The following OSBPL1A variants were observed in gnomAD, a reference collection of about 807,000 sequenced individuals.
The protein encoded by OSBPL1A is oxysterol binding protein like 1A.
A neutral mutation model predicts 137.1 loss-of-function variants in OSBPL1A; 80 were observed. That is an observed-to-expected ratio of 0.58 (90% confidence interval 0.49 to 0.70). OSBPL1A has a LOEUF of 0.70. OSBPL1A is among the 30% of genes least tolerant of loss of function. The pLI is 0.00. For synonymous variants in OSBPL1A, 365 were observed against 389.7 expected, an observed-to-expected ratio of 0.94 and a Z score of 0.75; for missense variants, 970 against 1,129.4, an observed-to-expected ratio of 0.86 and a Z score of 2.02.
chr18:24,362,298 T>A (rs2091636175), intron 4 of OSBPL1A, among the ~76,000 whole-genome samples: 1 of 152,106 alleles, frequency 6.6e-6, no homozygotes, highest in African/African-American at 2.4e-5. Context: ...CATCTGCAGC[T>A]CATATTTGAA....
chr18:24,171,749 T>TGA (rs2086293265), intron 22 of OSBPL1A, among the ~76,000 whole-genome samples: 1 of 152,274 alleles, frequency 6.6e-6, no homozygotes, highest in East Asian at 1.9e-4. Flanking sequence ...CAGCTCTTTC[T>TGA]AGTAACTCCT....
At chr18:24,349,569 A>G (rs894514106) in intron 4 of OSBPL1A, among the ~76,000 whole-genome samples, 3 of 152,286 alleles carry the variant, frequency 2.0e-5, no homozygotes, top group Admixed American at 1.3e-4. Flanking sequence ...TAAGAAAAAT[A>G]TCCCAGGCAG....
intron 13 of OSBPL1A, among the ~76,000 whole-genome samples, 186 bp from the exon 14 acceptor site, chr18:24,303,904 T>C (rs76517670): frequency 6.6e-6 from 1 of 152,242 alleles, no homozygotes; most frequent in South Asian, 2.1e-4. Context: ...TTTAATCAAG[T>C]GTAAAGTAAA....
At chr18:24,261,898 A>G (rs2089453110) in intron 15 of OSBPL1A, among the ~76,000 whole-genome samples, 1 of 152,194 alleles carries the variant, frequency 6.6e-6, no homozygotes, top group Non-Finnish European at 1.5e-5. Flanking sequence ...TCAAAGAAAA[A>G]TACTCACTCT....
chr18:24,258,251 G>A (rs2089341879), intron 15 of OSBPL1A, among the ~76,000 whole-genome samples: 1 of 151,940 alleles, frequency 6.6e-6, no homozygotes, highest in Non-Finnish European at 1.5e-5. Context: ...AAGAAAATGT[G>A]GTACTTAACA....
At chr18:24,315,816 A>T (rs2090719776) in intron 11 of OSBPL1A, among the ~76,000 whole-genome samples, 1 of 67,860 alleles carries the variant, frequency 1.5e-5, no homozygotes, top group African/African-American at 7.8e-5. Flanking sequence ...TTATATAATA[A>T]AATATATAAT....
At chr18:24,305,825 A>G (rs1446454364) in intron 13 of OSBPL1A, among the ~76,000 whole-genome samples, 1 of 152,030 alleles carries the variant, frequency 6.6e-6, no homozygotes, top group African/African-American at 2.4e-5. Context: ...ATAGGATCTG[A>G]TGGTTTTATA....
intron 7 of OSBPL1A, among the ~76,000 whole-genome samples, chr18:24,331,931 C>T (rs568231962): frequency 9.3e-4 from 141 of 152,258 alleles, no homozygotes; most frequent in Non-Finnish European, 1.6e-3. Context: ...GCCCAGTGCT[C>T]ATTTTCCAGC....
intron 1 of OSBPL1A, among the ~76,000 whole-genome samples, chr18:24,385,383 C>T (rs1423585370): frequency 1.3e-5 from 2 of 152,040 alleles, no homozygotes; most frequent in Non-Finnish European, 2.9e-5. Context: ...AGAAGGAGAT[C>T]CTGTCTCTAA....
intron 26 of OSBPL1A, 34 bp downstream of exon 26, chr18:24,166,545 G>A (rs769309454): frequency 6.3e-7 from 1 of 1,588,740 alleles, no homozygotes; most frequent in Non-Finnish European, 8.5e-7. Context: ...CGAGAAATGA[G>A]TCTTCACTGG....
intron 15 of OSBPL1A, among the ~76,000 whole-genome samples, chr18:24,277,992 T>C (rs987703266): frequency 6.6e-6 from 1 of 152,260 alleles, no homozygotes; most frequent in Non-Finnish European, 1.5e-5. Flanking sequence ...ATACTCTATA[T>C]ATGTAACATT....
At chr18:24,257,623 C>G (rs1015975590) in intron 15 of OSBPL1A, among the ~76,000 whole-genome samples, 5 of 151,968 alleles carry the variant, frequency 3.3e-5, no homozygotes, top group Non-Finnish European at 5.9e-5. Flanking sequence ...AAAAAATGGA[C>G]AAATGGAAAC....
intron 13 of OSBPL1A, 68 bp from the exon 14 acceptor site, chr18:24,303,786 G>T: frequency 7.5e-7 from 1 of 1,333,800 alleles, no homozygotes; most frequent in Non-Finnish European, 1.1e-6. Context: ...ATGCTTTAGT[G>T]TTTCTATCAA....
At chr18:24,319,085 C>T (rs1012837762) in intron 7 of OSBPL1A, among the ~76,000 whole-genome samples, 5 of 152,194 alleles carry the variant, frequency 3.3e-5, no homozygotes, top group African/African-American at 1.2e-4. Flanking sequence ...TATTATCTTA[C>T]AGTTTCAGAG....
At chr18:24,303,822 C>T in intron 13 of OSBPL1A, 104 bp from the exon 14 acceptor site, 1 of 867,258 alleles carries the variant, frequency 1.2e-6, no homozygotes, top group Non-Finnish European at 1.8e-6. Flanking sequence ...GATTGATATA[C>T]CATAACAGAG....
chr18:24,279,415 T>G (rs2089912610), intron 15 of OSBPL1A, among the ~76,000 whole-genome samples: 1 of 151,752 alleles, frequency 6.6e-6, no homozygotes, highest in Admixed American at 6.6e-5. Context: ...GGCAACAGAG[T>G]GAGACCCTGT....
At chr18:24,217,129 A>G (rs773931115) in intron 17 of OSBPL1A, among the ~76,000 whole-genome samples, 11 of 152,236 alleles carry the variant, frequency 7.2e-5, no homozygotes, top group Non-Finnish European at 1.3e-4. Context: ...AGATACTGTA[A>G]TAGATTTAAA....
chr18:24,270,656 T>C (rs780967582), intron 15 of OSBPL1A, among the ~76,000 whole-genome samples: 39 of 152,124 alleles, frequency 2.6e-4, no homozygotes, highest in Non-Finnish European at 5.6e-4. Flanking sequence ...GACATCAGCT[T>C]AGGGACTAAA....
At chr18:24,340,663 G>A (rs554807305) in intron 5 of OSBPL1A, among the ~76,000 whole-genome samples, 5 of 152,206 alleles carry the variant, frequency 3.3e-5, no homozygotes, top group African/African-American at 7.2e-5. Context: ...AAAGTTAGCC[G>A]GGTGTGATGG....
Sources: allele counts gnomAD v4.1 joint callset (sites outside exome capture counted in the v4.1 genomes callset), GRCh38; gene constraint gnomAD v4.1.1; transcripts MANE v1.5; gene names NCBI Gene and HGNC (gene_info 2026-07-23, HGNC 2026-07-21).